Variants in PRKCH observed in about 807,000 individuals in gnomAD.
PRKCH encodes protein kinase C eta.
PRKCH carries 28 observed loss-of-function variants against 82.5 expected under a neutral mutation model. The observed-to-expected ratio is 0.34, with a 90% CI of 0.25 to 0.47. PRKCH has a LOEUF of 0.47. Ranked by LOEUF, PRKCH falls within the 20% of genes least tolerant of loss-of-function variation. The pLI is 1.00. For synonymous variants in PRKCH, 322 were observed against 327.4 expected (o/e 0.98, Z 0.18); for missense variants, 705 against 881.8 (o/e 0.80, Z 2.54).
chr14:61,467,677 T>G (rs1418422079), intron 9 of PRKCH, among the ~76,000 whole-genome samples: 3 of 152,232 alleles, frequency 2.0e-5, no homozygotes, highest in Non-Finnish European at 4.4e-5. Flanking sequence ...TGTTCATGCC[T>G]TGGGGTAGTT....
chr14:61,425,017 G>T (rs1266481766), intron 2 of PRKCH, among the ~76,000 whole-genome samples: 1 of 152,252 alleles, frequency 6.6e-6, no homozygotes, highest in Admixed American at 6.5e-5. Context: ...CAAAAGTCAA[G>T]AATTGAGGTT....
chr14:61,284,635 C>T (rs1253952103), intron 1 of PRKCH, among the ~76,000 whole-genome samples: 1 of 152,128 alleles, frequency 6.6e-6, no homozygotes, highest in Admixed American at 6.6e-5. Context: ...GTTCAGATCT[C>T]ATTTCTCTCA....
chr14:61,246,319 A>G (rs2044882430), intron 1 of PRKCH, among the ~76,000 whole-genome samples: 1 of 151,336 alleles, frequency 6.6e-6, no homozygotes, highest in Admixed American at 6.6e-5. Context: ...GAGGCAGGAG[A>G]ATCACTTGAA....
chr14:61,370,656 A>G (rs1035356960), intron 1 of PRKCH, among the ~76,000 whole-genome samples: 4 of 152,104 alleles, frequency 2.6e-5, no homozygotes, highest in Non-Finnish European at 4.4e-5. Context: ...AGCTCCAGAA[A>G]GTACTCATTA....
chr14:61,277,224 AT>A (rs1342667510), intron 1 of PRKCH: 16 of 152,144 alleles, frequency 1.1e-4, no homozygotes, highest in Non-Finnish European at 2.4e-4. Flanking sequence ...AATAACAATA[AT>A]TTTATAGTGA....
intron 1 of PRKCH, among the ~76,000 whole-genome samples, chr14:61,191,011 C>A (rs139059906): frequency 4.0e-4 from 61 of 152,236 alleles, no homozygotes; most frequent in Middle Eastern, 3.4e-3. Flanking sequence ...GCAATAATAG[C>A]TTTCAATGAA....
At chr14:61,421,428 A>G (rs1227913406) in intron 2 of PRKCH, among the ~76,000 whole-genome samples, 1 of 152,114 alleles carries the variant, frequency 6.6e-6, no homozygotes, top group East Asian at 1.9e-4. Flanking sequence ...CAGCCTTGTG[A>G]CTTAGGCTCT....
upstream of PRKCH, among the ~76,000 whole-genome samples, chr14:61,318,487 G>A (rs1036812924): frequency 2.0e-5 from 3 of 149,474 alleles, no homozygotes; most frequent in Admixed American, 6.8e-5. Flanking sequence ...TTACAGGCAT[G>A]AGCCACCACA....
At chr14:61,408,282 G>A (rs560965136) in intron 2 of PRKCH, among the ~76,000 whole-genome samples, 3 of 152,180 alleles carry the variant, frequency 2.0e-5, no homozygotes, top group African/African-American at 7.2e-5. Flanking sequence ...GCATGGTGGA[G>A]AGAGAAATCT....
At chr14:61,321,231 G>A (rs2045615162), upstream of PRKCH, among the ~76,000 whole-genome samples, 2 of 152,228 alleles carry the variant, frequency 1.3e-5, no homozygotes, top group South Asian at 2.1e-4. The surrounding 1 kb of genome is among the most constrained non-coding windows in gnomAD (Gnocchi z 4.1). Flanking sequence ...CCACCGGGGA[G>A]GTTGGGAGAG....
At chr14:61,348,448 C>T (rs918713857) in intron 1 of PRKCH, among the ~76,000 whole-genome samples, 1 of 152,198 alleles carries the variant, frequency 6.6e-6, no homozygotes, top group Non-Finnish European at 1.5e-5. Context: ...AGAAGCTTTG[C>T]CTCCACCTCT....
chr14:61,534,434 C>T (rs111787543), intron 12 of PRKCH, among the ~76,000 whole-genome samples: 75 of 152,306 alleles, frequency 4.9e-4, no homozygotes, highest in Non-Finnish European at 1.0e-3. Context: ...ATTGACTTGA[C>T]GCCTTTTTCC....
intron 1 of PRKCH, among the ~76,000 whole-genome samples, chr14:61,269,970 C>T (rs944551915): frequency 1.6e-4 from 24 of 152,296 alleles, no homozygotes; most frequent in African/African-American, 5.1e-4. Context: ...CTTCCCCAGT[C>T]CCCGGGTGTA....
At chr14:61,371,084 T>C (rs953361992) in intron 1 of PRKCH, among the ~76,000 whole-genome samples, 4 of 152,118 alleles carry the variant, frequency 2.6e-5, no homozygotes, top group African/African-American at 9.7e-5. Flanking sequence ...CAGTTACTAA[T>C]TTAGAATTTA....
At chr14:61,273,264 A>C (rs930250127) in intron 1 of PRKCH, among the ~76,000 whole-genome samples, 2 of 152,210 alleles carry the variant, frequency 1.3e-5, no homozygotes, top group Admixed American at 1.3e-4. Context: ...TGGCTTTAAA[A>C]CTACTATTAT....
chr14:61,407,021 G>T (rs942510042), intron 2 of PRKCH, among the ~76,000 whole-genome samples: 9 of 151,994 alleles, frequency 5.9e-5, no homozygotes, highest in Non-Finnish European at 8.8e-5. Context: ...GCTGATTTTT[G>T]TGGCACAGTT....
intron 6 of PRKCH, among the ~76,000 whole-genome samples, chr14:61,451,837 G>A (rs1884522194): frequency 6.6e-6 from 1 of 152,300 alleles, no homozygotes; most frequent in East Asian, 1.9e-4. Context: ...GACTTACAGA[G>A]CCTGCTTCTG....
At position 61,510,699 on chromosome 14, in the gene PRKCH, TTGAACTCACGGGACTCA is replaced by T. The variant is rs536144237; in HGVS notation, c.1434-18375_1434-18359del. On this transcript the variant is annotated intron_variant, in intron 10 of 13. Transcript: ENST00000332981. Reference sequence around the variant, plus strand: ...GGGAGCCATCTGTCTAAGGGAATACTTGAACTCACGGGACTCAACTGCAAGGTAAAGTGTCAAGCAGG... The same window carrying T: ...GGGAGCCATCTGTCTAAGGGAATACTACTGCAAGGTAAAGTGTCAAGCAGG... Among the ~76,000 whole-genome samples the T allele has an allele frequency of 1.9e-3, 291 of 152,152 alleles. 1 individual carries two copies. Among genetic ancestry groups the T allele is most frequent in the Non-Finnish European group, 1.7e-3 (114 of 68,004 alleles).
At chr14:61,332,487 T>G in intron 1 of PRKCH, among the ~76,000 whole-genome samples, 1 of 152,190 alleles carries the variant, frequency 6.6e-6, no homozygotes, top group African/African-American at 2.4e-5. Flanking sequence ...TTCCCAAAAG[T>G]TCCTTTGATT....
Sources: allele counts gnomAD v4.1 joint callset (sites outside exome capture counted in the v4.1 genomes callset), GRCh38; gene constraint gnomAD v4.1.1; non-coding constraint Gnocchi (gnomAD v3.1); transcripts MANE v1.5; gene names NCBI Gene and HGNC (gene_info 2026-07-23, HGNC 2026-07-21).